The following SNAP91 variants were observed in gnomAD, a reference collection of about 807,000 sequenced individuals.
The protein encoded by SNAP91 is synaptosome associated protein 91.
A neutral mutation model predicts 100.3 loss-of-function variants in SNAP91; 27 were observed. That is an observed-to-expected ratio of 0.27 (90% CI 0.20 to 0.37). SNAP91 has a LOEUF of 0.37. SNAP91 is among the 10% of genes least tolerant of loss of function. The pLI, the probability that SNAP91 is intolerant of heterozygous loss-of-function variation, is 1.00. For missense variants in SNAP91, 986 were observed against 1,123.7 expected (o/e 0.88, Z 1.75); for synonymous variants, 404 against 398.6 (o/e 1.01, Z -0.16).
intron 22 of SNAP91, among the ~76,000 whole-genome samples, chr6:83,587,530 C>T (rs2092924278): frequency 6.6e-6 from 1 of 151,896 alleles, no homozygotes; most frequent in Non-Finnish European, 1.5e-5. Flanking sequence ...TTTCAATAGA[C>T]TGTGGACTTA....
At chr6:83,708,027 C>T in intron 1 of SNAP91, 70 bp from the exon 2 acceptor site, 2 of 1,351,534 alleles carry the variant, frequency 1.5e-6, no homozygotes, top group Non-Finnish European at 1.9e-6. Context: ...CCAGGCCTTG[C>T]CTCCTCCAGC....
At chr6:83,590,818 G>A (rs2093636145) in intron 22 of SNAP91, among the ~76,000 whole-genome samples, 1 of 152,186 alleles carries the variant, frequency 6.6e-6, no homozygotes, top group South Asian at 2.1e-4. Flanking sequence ...CATACAAGAA[G>A]CCACAAAGGT....
At chr6:83,704,149 G>A (rs1167141513) in intron 2 of SNAP91, among the ~76,000 whole-genome samples, 2 of 152,126 alleles carry the variant, frequency 1.3e-5, no homozygotes, top group African/African-American at 2.4e-5. Flanking sequence ...ACACTGAAGT[G>A]TCAAACAGTT....
chr6:83,631,062 G>T (rs1443066928), intron 8 of SNAP91, among the ~76,000 whole-genome samples: 2 of 152,058 alleles, frequency 1.3e-5, no homozygotes, highest in East Asian at 1.9e-4. Flanking sequence ...TCAGTTCGAA[G>T]AATTTTTTGA....
In SNAP91 at chr6:83,665,480, C is replaced by A. The variant is rs2098663540; in HGVS notation, c.232G>T (p.Ala78Ser). 1 of 1,612,730 alleles carries A rather than the reference C, an allele frequency of 6.2e-7. No homozygotes were observed. Among genetic ancestry groups the A allele is most frequent in the South Asian group, 1.1e-5 (1 of 91,028 alleles). ...TNSSWVVVFK[A>S]LVTTHHLMVH... ...ATGAGATGATGTGTTGTCACTAAAG[C>A]CTTAAACACAACCACCCAGCTACTG... Residue 78 changes from alanine to serine, a missense_variant, in exon 3 of 30, where the codon GCT becomes TCT. By Grantham distance (99) the Ala-to-Ser change is moderately conservative. This residue lies in a region of SNAP91 where 330 missense variants were observed against 447.5 expected (regional missense o/e 0.74). Transcript: ENST00000369694.
At chr6:83,659,837 T>G (rs1267801126) in intron 5 of SNAP91, among the ~76,000 whole-genome samples, 1 of 152,182 alleles carries the variant, frequency 6.6e-6, no homozygotes, top group Non-Finnish European at 1.5e-5. Context: ...GTACAAGGTT[T>G]ATGCTATTAA....
intron 16 of SNAP91, among the ~76,000 whole-genome samples, chr6:83,595,272 T>C (rs1020966826): frequency 3.3e-5 from 5 of 152,150 alleles, no homozygotes; most frequent in Admixed American, 3.3e-4. Flanking sequence ...GAGATAAAAA[T>C]AGGGTATGAT....
chr6:83,579,992 C>T (rs79165025), intron 24 of SNAP91, among the ~76,000 whole-genome samples: 1,538 of 152,146 alleles, frequency 0.01, 20 homozygotes, highest in African/African-American at 0.035. Flanking sequence ...ATCTGTTTTG[C>T]TCACTGGTTT....
intron 8 of SNAP91, among the ~76,000 whole-genome samples, chr6:83,631,817 T>C (rs1470456952): frequency 6.6e-6 from 1 of 152,186 alleles, no homozygotes; most frequent in Admixed American, 6.5e-5. Flanking sequence ...AAGTGGGGCA[T>C]TTAGGCCATT....
At chr6:83,563,875 G>T (rs1252202347) in intron 26 of SNAP91, among the ~76,000 whole-genome samples, 3 of 152,166 alleles carry the variant, frequency 2.0e-5, no homozygotes, top group Non-Finnish European at 1.5e-5. Flanking sequence ...TAAATGGAAA[G>T]ACACCCTTTG....
chr6:83,708,070 C>A, intron 1 of SNAP91, 113 bp from the exon 2 acceptor site: 1 of 856,526 alleles, frequency 1.2e-6, no homozygotes, highest in Non-Finnish European at 1.7e-6. Context: ...CCATCCCCAC[C>A]CTGGCACCAC....
At chr6:83,624,139 C>T (rs2096840528) in intron 8 of SNAP91, among the ~76,000 whole-genome samples, 1 of 151,718 alleles carries the variant, frequency 6.6e-6, no homozygotes. Context: ...AAAGTATATG[C>T]ATATTGTTAA....
chr6:83,625,724 G>A (rs571479965), intron 8 of SNAP91, among the ~76,000 whole-genome samples: 11 of 151,924 alleles, frequency 7.2e-5, no homozygotes, highest in Admixed American at 1.3e-4. Flanking sequence ...CTTTTTAATG[G>A]GGTTGTTTTT....
chr6:83,566,658 T>C (rs571269624), intron 26 of SNAP91, among the ~76,000 whole-genome samples: 8 of 152,328 alleles, frequency 5.3e-5, no homozygotes, highest in Admixed American at 2.0e-4. Context: ...AAGTTTTTAA[T>C]TGGGATGCCA....
At chr6:83,686,113 A>G (rs1239263290) in intron 2 of SNAP91, 4 of 954,490 alleles carry the variant, frequency 4.2e-6, no homozygotes, top group Non-Finnish European at 5.0e-6. Flanking sequence ...AACCTGGAAC[A>G]TACTCTGCTT....
chr6:83,687,813 A>T (rs896642070), intron 2 of SNAP91, among the ~76,000 whole-genome samples: 1 of 152,220 alleles, frequency 6.6e-6, no homozygotes, highest in Non-Finnish European at 1.5e-5. Context: ...TTTTGTAGAC[A>T]GGTAGAGCCA....
intron 2 of SNAP91, among the ~76,000 whole-genome samples, chr6:83,671,734 A>G (rs1440815019): frequency 6.6e-6 from 1 of 152,132 alleles, no homozygotes; most frequent in African/African-American, 2.4e-5. Context: ...GATATAAGTA[A>G]TTGTTCACTA....
chr6:83,580,400 AT>A, intron 24 of SNAP91, 49 bp downstream of exon 24: 1 of 1,540,378 alleles, frequency 6.5e-7, no homozygotes, highest in Non-Finnish European at 8.8e-7. Flanking sequence ...ACAAAAAACA[AT>A]TCACATATGC....
chr6:83,614,524 C>A (rs892017055), intron 11 of SNAP91, among the ~76,000 whole-genome samples: 2 of 151,966 alleles, frequency 1.3e-5, no homozygotes, highest in Non-Finnish European at 2.9e-5. Flanking sequence ...TTTGTCTTTT[C>A]GCATTTATGC....
Sources: gnomAD v4.1 joint callset for allele counts (sites outside exome capture counted in the v4.1 genomes callset) on GRCh38, gnomAD v4.1.1 for gene constraint, gnomAD v4.1.1 regional missense constraint, MANE v1.5 for transcripts, NCBI Gene and HGNC (gene_info 2026-07-23, HGNC 2026-07-21) for gene names.